The following DAPK1 variants were observed in gnomAD, a reference collection of about 807,000 sequenced individuals.
The protein encoded by DAPK1 is death-associated protein kinase 1.
In DAPK1, 56 loss-of-function variants were observed where a neutral mutation model predicts 144.9. That is an observed-to-expected ratio of 0.39 (90% CI 0.31 to 0.48). DAPK1 has a LOEUF of 0.48. Among genes scored for constraint, DAPK1 ranks in the 20% least tolerant of loss-of-function variants. The pLI, the probability that DAPK1 is intolerant of heterozygous loss-of-function variation, is 0.95. For synonymous variants in DAPK1, 690 were observed against 749.0 expected (o/e 0.92, Z 1.29); for missense variants, 1,454 against 1,875.4 (o/e 0.78, Z 4.15).
intron 2 of DAPK1, among the ~76,000 whole-genome samples, chr9:87,513,891 A>G (rs1025937905): frequency 1.3e-5 from 2 of 152,144 alleles, no homozygotes; most frequent in African/African-American, 4.8e-5. Flanking sequence ...CCTGTTCTGG[A>G]TAGTTTTCTG....
intron 3 of DAPK1, among the ~76,000 whole-genome samples, chr9:87,611,512 G>C (rs895312950): frequency 6.6e-6 from 1 of 152,190 alleles, no homozygotes; most frequent in Non-Finnish European, 1.5e-5. Context: ...AGGCTGGAAT[G>C]CAGTGGTGCA....
chr9:87,678,555 A>C (rs759352274), intron 19 of DAPK1, among the ~76,000 whole-genome samples: 3 of 152,264 alleles, frequency 2.0e-5, no homozygotes, highest in Non-Finnish European at 2.9e-5. Context: ...AGCAAAGTGT[A>C]GTTATTTGCC....
chr9:87,538,440 T>G (rs1421369151), intron 2 of DAPK1, among the ~76,000 whole-genome samples: 1 of 151,672 alleles, frequency 6.6e-6, no homozygotes, highest in Admixed American at 6.6e-5. Flanking sequence ...TTTGCAGATC[T>G]GTGCTCATGT....
At chr9:87,521,597 A>C (rs1825300196) in intron 2 of DAPK1, among the ~76,000 whole-genome samples, 1 of 152,232 alleles carries the variant, frequency 6.6e-6, no homozygotes, top group African/African-American at 2.4e-5. Flanking sequence ...CTAGGATGTC[A>C]GCACTGGGGC....
At chr9:87,611,285 T>G (rs981253912) in intron 3 of DAPK1, among the ~76,000 whole-genome samples, 3 of 152,212 alleles carry the variant, frequency 2.0e-5, no homozygotes, top group Admixed American at 6.5e-5. Context: ...TTCAGTGGGT[T>G]TGGGGTGGGA....
Position 87,708,036 on chromosome 9 carries a change from C to T in DAPK1, c.*672C>T. ...CCTGAGTTTTGTTTTGTATTGTTTT[C>T]TGACAGTTTTTCTGTTTTGTTTGGC... On this transcript the variant is annotated 3_prime_UTR_variant, in exon 26 of 26. Transcript: ENST00000408954. The T allele has an allele frequency of 3.3e-6, 1 of 301,636 alleles. No homozygotes were observed. The highest frequency in any genetic ancestry group is 3.0e-5 in the South Asian group (1 of 32,964). 18.7% of individuals were successfully genotyped at this position (301,636 alleles called of 1,614,324 possible). A position where few individuals can be genotyped will look rare whatever the true frequency, so the allele number is the denominator to read the frequency against.
chr9:87,533,803 C>T (rs1470478815), intron 2 of DAPK1, among the ~76,000 whole-genome samples: 1 of 152,212 alleles, frequency 6.6e-6, no homozygotes, highest in Non-Finnish European at 1.5e-5. Flanking sequence ...TCTGGGATTA[C>T]AGGCATATGC....
chr9:87,697,958 AAAAG>A (rs1825318035), intron 22 of DAPK1, among the ~76,000 whole-genome samples: 1 of 152,238 alleles, frequency 6.6e-6, no homozygotes, highest in African/African-American at 2.4e-5. Context: ...GTCTCAAAAA[AAAAG>A]AGAGAGAAAT....
At chr9:87,677,129 C>A (rs986079431) in intron 19 of DAPK1, among the ~76,000 whole-genome samples, 2 of 152,190 alleles carry the variant, frequency 1.3e-5, no homozygotes, top group Admixed American at 6.5e-5. Flanking sequence ...AGACAGGAAA[C>A]ACATCTGTCT....
chr9:87,655,487 G>C (rs550120901), intron 17 of DAPK1, among the ~76,000 whole-genome samples: 1 of 152,164 alleles, frequency 6.6e-6, no homozygotes, highest in East Asian at 1.9e-4. Flanking sequence ...GTAACTGATT[G>C]TGAGCGTGGG....
chr9:87,505,888 A>G (rs982554123), intron 2 of DAPK1, among the ~76,000 whole-genome samples: 3 of 152,010 alleles, frequency 2.0e-5, no homozygotes, highest in African/African-American at 7.3e-5. Context: ...GGGTTTCGCC[A>G]TGTTGGCTAG....
At chr9:87,516,663 C>T (rs117698298) in intron 2 of DAPK1, among the ~76,000 whole-genome samples, 4,481 of 152,160 alleles carry the variant, frequency 0.029, 89 homozygotes, top group Non-Finnish European at 0.039. Context: ...TAGCATGCTG[C>T]GTGTGTGGCC....
At chr9:87,563,224 C>T (rs1240707341) in intron 2 of DAPK1, among the ~76,000 whole-genome samples, 1 of 152,202 alleles carries the variant, frequency 6.6e-6, no homozygotes, top group Non-Finnish European at 1.5e-5. Context: ...ATGCATTTGT[C>T]AGAATTTAGT....
intron 16 of DAPK1, among the ~76,000 whole-genome samples, chr9:87,650,821 A>T (rs1187121893): frequency 6.6e-6 from 1 of 152,212 alleles, no homozygotes; most frequent in East Asian, 1.9e-4. Context: ...CGTCGATCCC[A>T]GCCAGTGGTG....
At chr9:87,528,210 T>C (rs982421394) in intron 2 of DAPK1, among the ~76,000 whole-genome samples, 1 of 112,122 alleles carries the variant, frequency 8.9e-6, no homozygotes, top group African/African-American at 3.6e-5. Context: ...CGTTTTCTTT[T>C]CTTTCTTTCT....
Position 87,706,234 on chromosome 9 carries a change from C to G in DAPK1, c.3163C>G (p.Arg1055Gly). ...GAAGTTGCTGTCCGTGGAGACCCCA[C>G]GGGCGCTGCACCACTACCGGGGCCG... The part of the protein sequence containing the change: ...LGKLLSVETP[R>G]ALHHYRGRYT... The change falls in exon 26 of 26, where the codon CGG becomes GGG. Residue 1055 changes from arginine to glycine, a missense_variant. Arg to Gly is a moderately radical substitution (Grantham distance 125). This residue lies in a region of DAPK1 where 1,025 missense variants were observed against 1,237.9 expected (regional missense o/e 0.83). Coordinates refer to ENST00000408954, the MANE Select transcript of DAPK1 (RefSeq NM_004938.4). This position sits in a 1 kb window ranked among gnomAD's most constrained non-coding sequence, Gnocchi z 9.0. The G allele has an allele frequency of 6.2e-7, 1 of 1,613,606 alleles. No individual in the cohort carries two copies. Among genetic ancestry groups the G allele is most frequent in the Non-Finnish European group, 8.5e-7 (1 of 1,179,522 alleles).
intron 2 of DAPK1, among the ~76,000 whole-genome samples, chr9:87,547,013 C>T (rs1038435248): frequency 7.2e-5 from 11 of 152,188 alleles, no homozygotes; most frequent in Non-Finnish European, 1.5e-4. Context: ...AAAAATTAGC[C>T]GGGTGTGTTG....
chr9:87,562,214 A>G (rs557765687), intron 2 of DAPK1, among the ~76,000 whole-genome samples: 1 of 152,328 alleles, frequency 6.6e-6, no homozygotes, highest in East Asian at 1.9e-4. Flanking sequence ...CAGTTGAGCT[A>G]TATGTTCATC....
chr9:87,642,540 C>T (rs1830133117), intron 10 of DAPK1, among the ~76,000 whole-genome samples: 1 of 152,032 alleles, frequency 6.6e-6, no homozygotes, highest in Non-Finnish European at 1.5e-5. Flanking sequence ...GGATGGCCTC[C>T]ACAGGGGCTG....
Sources: allele counts gnomAD v4.1 joint callset (sites outside exome capture counted in the v4.1 genomes callset), GRCh38; gene constraint gnomAD v4.1.1; regional missense constraint gnomAD v4.1.1; non-coding constraint Gnocchi (gnomAD v3.1); transcripts MANE v1.5; gene names NCBI Gene and HGNC (gene_info 2026-07-23, HGNC 2026-07-21).